The following REPS2 variants were observed in gnomAD, a reference collection of about 807,000 sequenced individuals.
REPS2 encodes ralBP1-associated Eps domain-containing protein 2.
A neutral mutation model predicts 53.6 loss-of-function variants in REPS2; 23 were observed. That is an observed-to-expected ratio of 0.43 (90% CI 0.31 to 0.61). The LOEUF is 0.61. Among genes scored for constraint, REPS2 ranks in the 20% least tolerant of loss-of-function variants. The probability of loss-of-function intolerance (pLI) is 0.11; values close to 1 mark genes in which losing one functional copy is unlikely to be tolerated. For synonymous variants in REPS2, 238 were observed against 218.6 expected (o/e 1.09, Z -0.78); for missense variants, 446 against 534.9 (o/e 0.83, Z 1.64).
chrX:16,974,522 A>G (rs965722965), intron 1 of REPS2, among the ~76,000 whole-genome samples: 5 of 110,311 alleles, frequency 4.5e-5, no homozygotes, highest in East Asian at 5.7e-4. Context: ...CATGGCACCT[A>G]TAATCCCAGC....
intron 13 of REPS2, chrX:17,099,922 A>G (rs1603016130): frequency 9.1e-7 from 1 of 1,098,133 alleles, no homozygotes; most frequent in East Asian, 3.0e-5. Context: ...TTCATCAGGA[A>G]CATGAGCTCT....
chrX:17,151,128 G>A lies in REPS2; in HGVS notation c.*3647G>A, dbSNP rs762702154. On this transcript the variant is annotated 3_prime_UTR_variant, in exon 18 of 18. Transcript: ENST00000357277. The stretch of plus-strand genomic sequence containing the variant: ...TTCCATTCCTGTATTCCTTATGGGA[G>A]GTTGTTTTTAAAATAGACTACTGCG... The A allele has an allele frequency of 2.7e-5, 3 of 112,244 alleles. No individual in the cohort carries two copies. The highest frequency in any genetic ancestry group is 6.5e-5 in the African/African-American group (2 of 30,791). The allele number at this position is 112,244 out of a possible 1,213,427, so 9.3% of individuals were successfully genotyped here.
intron 2 of REPS2, among the ~76,000 whole-genome samples, chrX:17,015,095 T>C (rs748065116): frequency 2.6e-4 from 29 of 113,093 alleles, no homozygotes; most frequent in South Asian, 1.1e-3. Context: ...ACCTGCCTTA[T>C]AGACTTGTTG....
intron 1 of REPS2, among the ~76,000 whole-genome samples, chrX:16,983,385 T>C (rs1448567288): frequency 8.9e-6 from 1 of 112,164 alleles, no homozygotes; most frequent in Non-Finnish European, 1.9e-5. Context: ...CATATACCCT[T>C]TAAAAAAGGG....
the REPS2 span, among the ~76,000 whole-genome samples, chrX:17,195,850 C>T: frequency 7.1e-5 from 8 of 112,266 alleles, no homozygotes; most frequent in African/African-American, 1.9e-4. Flanking sequence ...AAGGTTTATG[C>T]GAAATGCAAT....
At chrX:16,965,105 C>G (rs1256118831) in intron 1 of REPS2, among the ~76,000 whole-genome samples, 2 of 87,919 alleles carry the variant, frequency 2.3e-5, no homozygotes, top group Non-Finnish European at 4.6e-5. Flanking sequence ...CCCCCCACCT[C>G]CCTCCCGGAC....
At chrX:17,007,764 C>T (rs2061380366) in intron 2 of REPS2, among the ~76,000 whole-genome samples, 2 of 112,225 alleles carry the variant, frequency 1.8e-5, no homozygotes, top group Non-Finnish European at 3.8e-5. Context: ...CTGCGAGTCT[C>T]TACTATGGCT....
chrX:17,171,816 G>A, the REPS2 span, among the ~76,000 whole-genome samples: 127 of 111,089 alleles, frequency 1.1e-3, no homozygotes, highest in East Asian at 0.012. Context: ...GTGATCCACC[G>A]CACCTGGCCC....
chrX:17,101,901 A>G (rs752919767), intron 13 of REPS2, among the ~76,000 whole-genome samples: 2 of 111,981 alleles, frequency 1.8e-5, no homozygotes, highest in East Asian at 2.8e-4. Flanking sequence ...GCACAAGTCA[A>G]TTTAATTAAA....
chrX:17,124,100 C>G (rs937877540), intron 14 of REPS2, among the ~76,000 whole-genome samples: 2 of 112,395 alleles, frequency 1.8e-5, no homozygotes, highest in Non-Finnish European at 3.8e-5. Context: ...AGAGACTAAG[C>G]ATGTGACCAG....
chrX:16,989,318 C>G (rs1393376390), intron 1 of REPS2, among the ~76,000 whole-genome samples: 1 of 108,881 alleles, frequency 9.2e-6, no homozygotes, highest in East Asian at 2.8e-4. Flanking sequence ...AAATGTATCA[C>G]AAACTTCAAT....
At chrX:17,108,384 G>A (rs1319553226) in intron 14 of REPS2, among the ~76,000 whole-genome samples, 2 of 110,020 alleles carry the variant, frequency 1.8e-5, no homozygotes, top group Non-Finnish European at 3.8e-5. Flanking sequence ...ATGTTGGCCA[G>A]GCTGGTCTCG....
chrX:16,964,546 A>G (rs1332991950), intron 1 of REPS2, among the ~76,000 whole-genome samples: 3 of 109,737 alleles, frequency 2.7e-5, no homozygotes, highest in Admixed American at 1.9e-4. Context: ...GCTGTTGGGT[A>G]CACCTCCCAG....
At chrX:16,951,550 CACACACA>C (rs1390661976) in intron 1 of REPS2, among the ~76,000 whole-genome samples, 68 of 32,004 alleles carry the variant, frequency 2.1e-3, no homozygotes, top group Admixed American at 0.016. Flanking sequence ...CACACACACA[CACACACA>C]CACCCCCGCT....
At chrX:17,089,773 G>T (rs1278527099) in intron 13 of REPS2, among the ~76,000 whole-genome samples, 1 of 111,986 alleles carries the variant, frequency 8.9e-6, no homozygotes, top group Non-Finnish European at 1.9e-5. Context: ...TGTTTATCCA[G>T]TCTTCAGTTT....
the REPS2 span, among the ~76,000 whole-genome samples, chrX:17,165,131 G>T: frequency 9.0e-6 from 1 of 111,520 alleles, no homozygotes; most frequent in African/African-American, 3.3e-5. Context: ...TTTTCATAGA[G>T]AAACCATCAG....
intron 1 of REPS2, among the ~76,000 whole-genome samples, chrX:16,973,410 T>TAA (rs2067425061): frequency 8.9e-6 from 1 of 112,275 alleles, no homozygotes; most frequent in Non-Finnish European, 1.9e-5. Flanking sequence ...GATCACTCTG[T>TAA]ATCATAGAGT....
intron 15 of REPS2, among the ~76,000 whole-genome samples, chrX:17,134,302 C>A (rs1003300765): frequency 9.0e-6 from 1 of 111,627 alleles, no homozygotes; most frequent in Non-Finnish European, 1.9e-5. Context: ...CCTCTTGCAT[C>A]GTGGCATTTT....
At chrX:17,165,856 A>G in the REPS2 span, among the ~76,000 whole-genome samples, 1 of 111,098 alleles carries the variant, frequency 9.0e-6, no homozygotes, top group Non-Finnish European at 1.9e-5. Flanking sequence ...GAAATTATTC[A>G]TAGCTTTATA....
Sources: allele counts gnomAD v4.1 joint callset (sites outside exome capture counted in the v4.1 genomes callset), GRCh38; gene constraint gnomAD v4.1.1; transcripts MANE v1.5; gene names NCBI Gene and HGNC (gene_info 2026-07-23, HGNC 2026-07-21).